Variants in FMO1 observed in about 807,000 individuals in gnomAD.
The protein encoded by FMO1 is flavin-containing monooxygenase 1.
A neutral mutation model predicts 45.4 loss-of-function variants in FMO1; 36 were observed. The ratio of observed to expected loss-of-function variants is 0.79; its 90% CI spans 0.61 to 1.05. The LOEUF (loss-of-function observed/expected upper bound fraction) is 1.05, where lower values mean the gene tolerates loss of function less well. Ranked by LOEUF, FMO1 falls within the 50% of genes least tolerant of loss-of-function variation. The probability of loss-of-function intolerance (pLI) is 0.00; values close to 1 mark genes in which losing one functional copy is unlikely to be tolerated. For missense variants in FMO1, 615 were observed against 640.3 expected (o/e 0.96, Z 0.43); for synonymous variants, 228 against 227.2 (o/e 1.00, Z -0.03).
At chr1:171,276,128 G>T (rs547877554) in intron 4 of FMO1, among the ~76,000 whole-genome samples, 29 of 152,222 alleles carry the variant, frequency 1.9e-4, no homozygotes, top group Middle Eastern at 3.4e-3. Context: ...AAATGAAATG[G>T]TTTGGTTTAT....
At chr1:171,282,985 C>G (rs1443348707) in intron 7 of FMO1, 159 bp from the exon 8 acceptor site, 2 of 538,776 alleles carry the variant, frequency 3.7e-6, no homozygotes, top group East Asian at 6.8e-5. Context: ...CAGGAGCATA[C>G]AACCAGTCAG....
intron 6 of FMO1, 78 bp downstream of exon 6, chr1:171,281,063 G>A: frequency 8.6e-7 from 1 of 1,159,816 alleles, no homozygotes; most frequent in Non-Finnish European, 1.3e-6. Context: ...AAGCCAGGCA[G>A]TACCACAGCA....
chr1:171,282,874 A>C (rs12049309), intron 7 of FMO1: 38,824 of 367,784 alleles, frequency 0.11, 2,586 homozygotes, highest in East Asian at 0.25. Flanking sequence ...ACTCAAGCAA[A>C]TGAGTGACAA....
chr1:171,280,341 ACAAATAC>A (rs1661299443), intron 5 of FMO1, among the ~76,000 whole-genome samples: 1 of 152,222 alleles, frequency 6.6e-6, no homozygotes, highest in Non-Finnish European at 1.5e-5. Context: ...GTTAAAAAGA[ACAAATAC>A]CAAAAGTAAT....
Position 171,282,353 on chromosome 1 carries a change from G to A in FMO1, c.1183+20G>A. ...TGAAAGGTAAGTATAAGAAATAGCA[G>A]GGCATGTGTTTTTGGTGTGCCATGT... On this transcript the variant is annotated intron_variant, in intron 7 of 8. Coordinates refer to ENST00000617670, the MANE Select transcript of FMO1 (RefSeq NM_001282693.2). 2.0e-6 allele frequency: 3 copies of A among 1,533,362 alleles called. No individual in the cohort carries two copies. Among genetic ancestry groups the A allele is most frequent in the Non-Finnish European group, 8.9e-7 (1 of 1,118,972 alleles). 95.0% of individuals were successfully genotyped at this position (1,533,362 alleles called of 1,614,324 possible).
chr1:171,250,754 C>T (rs902573899), intron 1 of FMO1, among the ~76,000 whole-genome samples: 1 of 152,076 alleles, frequency 6.6e-6, no homozygotes, highest in Non-Finnish European at 1.5e-5. Context: ...TGGCATCTAC[C>T]TTCCTAATTT....
chr1:171,275,894 A>G (rs1445839874), intron 4 of FMO1, among the ~76,000 whole-genome samples: 2 of 152,138 alleles, frequency 1.3e-5, no homozygotes, highest in Non-Finnish European at 2.9e-5. Flanking sequence ...ACAAAAGTCA[A>G]TCTGTGAAAA....
At chr1:171,275,584 T>C in intron 4 of FMO1, 76 bp downstream of exon 4, 1 of 1,027,812 alleles carries the variant, frequency 9.7e-7, no homozygotes, top group Admixed American at 2.3e-5. Flanking sequence ...TGGGAATGAA[T>C]TCCTATGGCT....
At chr1:171,261,767 G>A (rs919312983) in intron 2 of FMO1, among the ~76,000 whole-genome samples, 10 of 152,202 alleles carry the variant, frequency 6.6e-5, no homozygotes, top group Admixed American at 2.6e-4. Context: ...ATAAATTACC[G>A]CATTTCATTG....
At chr1:171,274,102 T>G (rs1291406091) in intron 3 of FMO1, among the ~76,000 whole-genome samples, 1 of 150,104 alleles carries the variant, frequency 6.7e-6, no homozygotes, top group Admixed American at 6.6e-5. Flanking sequence ...TGAGCCGAGA[T>G]TGCACCACTG....
chr1:171,262,491 C>G (rs12726624), intron 2 of FMO1, among the ~76,000 whole-genome samples: 33,606 of 152,118 alleles, frequency 0.22, 5,545 homozygotes, highest in African/African-American at 0.46. Flanking sequence ...TCTTTTCCTC[C>G]GCACATGCAC....
chr1:171,256,269 T>C (rs1290150208), intron 1 of FMO1, among the ~76,000 whole-genome samples: 3 of 69,812 alleles, frequency 4.3e-5, no homozygotes, highest in Non-Finnish European at 4.5e-5. Context: ...CAAGACTCCA[T>C]CTCAAAAAAA....
In FMO1 at chr1:171,270,906, G is replaced by A. The variant is rs542566714; in HGVS notation, c.321+3175G>A. ...TAAAAGGAGTGACTTGTGAACAGTA[G>A]GGTTAAATGCTTTATAGACGAGAAA... On this transcript the variant is annotated intron_variant, in intron 3 of 8. Transcript: ENST00000617670. The A allele has an allele frequency of 4.4e-5, 32 of 721,982 alleles. No individual in the cohort carries two copies. In the African/African-American group the frequency reaches 5.0e-4, roughly 11 times the overall value. The allele number at this position is 721,982 out of a possible 1,614,324, so 44.7% of individuals were successfully genotyped here. A position where few individuals can be genotyped will look rare whatever the true frequency, so the allele number is the denominator to read the frequency against.
At chr1:171,250,831 C>T (rs58485219) in intron 1 of FMO1, among the ~76,000 whole-genome samples, 1,558 of 152,078 alleles carry the variant, frequency 0.01, 24 homozygotes, top group African/African-American at 0.036. Context: ...AGGCTTTTCT[C>T]ATTAAAATAA....
At chr1:171,263,026 G>A (rs1347778459) in intron 2 of FMO1, among the ~76,000 whole-genome samples, 14 of 152,190 alleles carry the variant, frequency 9.2e-5, no homozygotes, top group Non-Finnish European at 4.4e-5. Context: ...CTATTTAGGG[G>A]TGAATTTTAT....
At chr1:171,274,314 G>A (rs964447500) in intron 3 of FMO1, among the ~76,000 whole-genome samples, 2 of 150,692 alleles carry the variant, frequency 1.3e-5, no homozygotes, top group African/African-American at 4.9e-5. Context: ...AGGCTGGAGT[G>A]CAATGACACT....
In FMO1 at chr1:171,270,746, G is replaced by C. The variant is rs529187705; in HGVS notation, c.321+3015G>C. 2.2e-5 allele frequency: 25 copies of C among 1,148,402 alleles called. No individual in the cohort carries two copies. The African/African-American group carries it at 3.6e-4, about 16-fold the overall frequency. 71.1% of individuals were successfully genotyped at this position (1,148,402 alleles called of 1,614,324 possible). A position where few individuals can be genotyped will look rare whatever the true frequency, so the allele number is the denominator to read the frequency against. ...CAACCCGCATACTGCACCAGGCAAGGTTAGTGGCTATTGAAAACACCACCA... is the reference window on the plus strand; with the variant it reads ...CAACCCGCATACTGCACCAGGCAAGCTTAGTGGCTATTGAAAACACCACCA... On this transcript the variant is annotated intron_variant, in intron 3 of 8. Transcript: ENST00000617670.
At position 171,271,294 on chromosome 1, in the gene FMO1, G is replaced by A; in HGVS notation, c.321+3563G>A. The stretch of plus-strand genomic sequence containing the variant: ...AGAGCAGAACAGGAAAAAGGCTGAA[G>A]GAGGCCTCTTGGGTGCATTGGGATC... On this transcript the variant is annotated intron_variant, in intron 3 of 8. Transcript: ENST00000617670. The A allele has an allele frequency of 6.1e-6, 8 of 1,311,012 alleles. No individual in the cohort carries two copies. The Admixed American group carries it at 8.2e-5, about 13-fold the overall frequency. 81.2% of individuals were successfully genotyped at this position (1,311,012 alleles called of 1,614,324 possible). A position where few individuals can be genotyped will look rare whatever the true frequency, so the allele number is the denominator to read the frequency against.
At chr1:171,258,303 G>A in intron 2 of FMO1, 84 bp downstream of exon 2, 1 of 1,520,502 alleles carries the variant, frequency 6.6e-7, no homozygotes, top group Non-Finnish European at 9.0e-7. Flanking sequence ...CTTTCACAAG[G>A]GTTGGTGGCC....
Sources: gnomAD v4.1 joint callset for allele counts (sites outside exome capture counted in the v4.1 genomes callset) on GRCh38, gnomAD v4.1.1 for gene constraint, MANE v1.5 for transcripts, NCBI Gene and HGNC (gene_info 2026-07-23, HGNC 2026-07-21) for gene names.